SDK1: variants seen among roughly 807,000 people sequenced by gnomAD.
SDK1 encodes protein sidekick-1.
A neutral mutation model predicts 245.5 loss-of-function variants in SDK1; 157 were observed. That is an observed-to-expected ratio of 0.64 (90% CI 0.56 to 0.73). The LOEUF is 0.73. Among genes scored for constraint, SDK1 ranks in the 30% least tolerant of loss-of-function variants. The pLI is 0.00. For missense variants in SDK1, 3,583 were observed against 3,002.3 expected, an observed-to-expected ratio of 1.19 and a Z score of -4.52; for synonymous variants, 1,647 against 1,278.5, an observed-to-expected ratio of 1.29 and a Z score of -6.15.
chr7:3,473,630 T>G (rs1411243331), intron 1 of SDK1, among the ~76,000 whole-genome samples: 1 of 152,210 alleles, frequency 6.6e-6, no homozygotes, highest in Non-Finnish European at 1.5e-5. Flanking sequence ...GCTTTATTCA[T>G]GACTACCTTT....
At position 3,698,528 on chromosome 7, in the gene SDK1, G is replaced by A. The variant is rs193004507; in HGVS notation, c.713+56423G>A. On this transcript the variant is annotated intron_variant, in intron 4 of 44. Transcript: ENST00000404826. ...CCTCACTCAGAGCGTCAGTGGAGGCGTATAAGGAGCAGTCACAGAACCCTC... is the reference window on the plus strand; with the variant it reads ...CCTCACTCAGAGCGTCAGTGGAGGCATATAAGGAGCAGTCACAGAACCCTC... Among the ~76,000 whole-genome samples, 18 of 152,254 alleles carry A rather than the reference G, an allele frequency of 1.2e-4. No homozygotes were observed. The East Asian group carries it at 1.4e-3, about 11-fold the overall frequency.
intron 1 of SDK1, among the ~76,000 whole-genome samples, chr7:3,557,622 T>C (rs554270901): frequency 6.6e-6 from 1 of 152,336 alleles, no homozygotes; most frequent in East Asian, 1.9e-4. Context: ...TATATCCATG[T>C]CAAAGAAATC....
intron 14 of SDK1, among the ~76,000 whole-genome samples, chr7:3,997,826 T>C (rs917611764): frequency 9.2e-5 from 14 of 152,192 alleles, no homozygotes; most frequent in African/African-American, 3.4e-4. Flanking sequence ...CACCTTCTTC[T>C]GCCCAGGAGT....
At chr7:4,017,445 G>A (rs1180543866) in intron 17 of SDK1, 93 bp downstream of exon 17, 77 of 1,130,174 alleles carry the variant, frequency 6.8e-5, no homozygotes, top group Non-Finnish European at 8.4e-5. Context: ...AAGAAAAACA[G>A]AGAATCCAGT....
At chr7:3,358,777 A>G (rs1156485753) in intron 1 of SDK1, among the ~76,000 whole-genome samples, 2 of 152,228 alleles carry the variant, frequency 1.3e-5, no homozygotes, top group African/African-American at 2.4e-5. Flanking sequence ...GTAAATAAGA[A>G]TGTGTCCTAG....
At chr7:4,012,479 G>GGTAGCA (rs1479728556) in intron 16 of SDK1, among the ~76,000 whole-genome samples, 1 of 147,638 alleles carries the variant, frequency 6.8e-6, no homozygotes, top group African/African-American at 2.5e-5. Context: ...CTGGTGTCAG[G>GGTAGCA]GTAGCATTTT....
chr7:3,932,204 C>T (rs1021817529), intron 5 of SDK1, among the ~76,000 whole-genome samples: 10 of 152,148 alleles, frequency 6.6e-5, no homozygotes, highest in Non-Finnish European at 1.0e-4. Context: ...AGCAGTAGCT[C>T]CCCCCTCACT....
intron 4 of SDK1, among the ~76,000 whole-genome samples, chr7:3,657,183 C>G (rs1301495413): frequency 6.6e-6 from 1 of 152,174 alleles, no homozygotes; most frequent in Non-Finnish European, 1.5e-5. Context: ...GTGTCCCACC[C>G]AGGGCATTCG....
chr7:3,534,561 G>A (rs1257359133), intron 1 of SDK1, among the ~76,000 whole-genome samples: 1 of 151,406 alleles, frequency 6.6e-6, no homozygotes, highest in African/African-American at 2.4e-5. Context: ...TTTTTTTGGT[G>A]GTCCCATCCC....
At chr7:3,312,750 A>G (rs1019944195) in intron 1 of SDK1, among the ~76,000 whole-genome samples, 1 of 152,180 alleles carries the variant, frequency 6.6e-6, no homozygotes, top group African/African-American at 2.4e-5. Flanking sequence ...TGAACTTTAG[A>G]ATGAGGAAGT....
At chr7:4,083,651 C>T (rs1781218664) in intron 22 of SDK1, among the ~76,000 whole-genome samples, 4 of 16,290 alleles carry the variant, frequency 2.5e-4, no homozygotes, top group African/African-American at 4.5e-4. Flanking sequence ...CTTCCTTCCT[C>T]CACCCCTCCC....
intron 38 of SDK1, among the ~76,000 whole-genome samples, chr7:4,216,148 C>T (rs1416697643): frequency 2.0e-5 from 3 of 152,184 alleles, no homozygotes; most frequent in East Asian, 1.9e-4. Context: ...GAAGGGAGGA[C>T]GTGAACTCTC....
At position 3,573,051 on chromosome 7, in the gene SDK1, C is replaced by T. The variant is rs150226311; in HGVS notation, c.299-46029C>T. The stretch of plus-strand genomic sequence containing the variant: ...CAGGAACTCCTTTATGCAGCCCAGG[C>T]ACAGCCAAGTGGGGCTTGGTGTGGG... On this transcript the variant is annotated intron_variant, in intron 1 of 44. Transcript: ENST00000404826. Among the ~76,000 whole-genome samples, 271 of 152,194 alleles carry T rather than the reference C, an allele frequency of 1.8e-3. 5 individuals carry two copies. The highest frequency in any genetic ancestry group is 6.3e-3 in the African/African-American group (260 of 41,560).
In SDK1 at chr7:4,079,571, T is replaced by C. The variant is rs771888463; in HGVS notation, c.3311T>C (p.Ile1104Thr). 2 of 1,614,034 alleles carry C rather than the reference T, an allele frequency of 1.2e-6. No homozygotes were observed. Among genetic ancestry groups the C allele is most frequent in the South Asian group, 1.1e-5 (1 of 91,070 alleles). Residue 1104 changes from isoleucine (I) to threonine (T), a missense_variant, in exon 22 of 45, where the codon ATT becomes ACT. Transcript: ENST00000404826. ...GGGAAAACGTCCATCTCCAGGTGGATTGTTGAGGGGCAGGTACGTGTGTCG... is the reference window on the plus strand; with the variant it reads ...GGGAAAACGTCCATCTCCAGGTGGACTGTTGAGGGGCAGGTACGTGTGTCG... ...YDGKTSISRWIVEGQVGAIGD... is the reference protein window; with the variant it reads ...YDGKTSISRWTVEGQVGAIGD...
chr7:4,215,333 C>T (rs1254167842), intron 38 of SDK1, among the ~76,000 whole-genome samples: 1 of 152,228 alleles, frequency 6.6e-6, no homozygotes, highest in Non-Finnish European at 1.5e-5. Flanking sequence ...TCTCCTGAGT[C>T]CAGGCCTTGG....
chr7:3,373,490 A>AC (rs1781277988), intron 1 of SDK1, among the ~76,000 whole-genome samples: 2 of 152,236 alleles, frequency 1.3e-5, no homozygotes, highest in African/African-American at 4.8e-5. Context: ...ATCCCTTAGT[A>AC]AAAGGATTGA....
intron 1 of SDK1, among the ~76,000 whole-genome samples, chr7:3,311,716 A>G (rs1779554387): frequency 2.0e-5 from 3 of 152,038 alleles, no homozygotes; most frequent in Admixed American, 2.0e-4. Flanking sequence ...AATGTGGAGG[A>G]CTCCCTTCAC....
intron 43 of SDK1, 78 bp from the exon 44 acceptor site, chr7:4,245,598 C>A: frequency 6.5e-7 from 1 of 1,541,398 alleles, no homozygotes; most frequent in South Asian, 1.2e-5. Flanking sequence ...CAATAAAGGC[C>A]AAATGCCAGG....
intron 44 of SDK1, among the ~76,000 whole-genome samples, chr7:4,254,850 G>A (rs1787531232): frequency 6.6e-6 from 1 of 152,110 alleles, no homozygotes; most frequent in Non-Finnish European, 1.5e-5. Flanking sequence ...TCAGTCTTGG[G>A]CAATGCATAG....
Sources: gnomAD v4.1 joint callset for allele counts (sites outside exome capture counted in the v4.1 genomes callset) on GRCh38, gnomAD v4.1.1 for gene constraint, MANE v1.5 for transcripts, NCBI Gene and HGNC (gene_info 2026-07-23, HGNC 2026-07-21) for gene names.